Variants in BLZF1 observed in about 807,000 individuals in gnomAD.
BLZF1 encodes the protein golgin-45.
In BLZF1, 39 loss-of-function variants were observed where a neutral mutation model predicts 43.8. That is an observed-to-expected ratio of 0.89 (90% CI 0.69 to 1.16). The LOEUF (loss-of-function observed/expected upper bound fraction) is 1.16, where lower values mean the gene tolerates loss of function less well. Ranked by LOEUF, BLZF1 falls within the 50% of genes most tolerant of loss-of-function variation. The pLI, the probability that BLZF1 is intolerant of heterozygous loss-of-function variation, is 0.00. For missense variants in BLZF1, 449 were observed against 469.8 expected, an observed-to-expected ratio of 0.96 and a Z score of 0.41; for synonymous variants, 136 against 159.4, an observed-to-expected ratio of 0.85 and a Z score of 1.11.
chr1:169,388,907 G>T (rs1027160539), downstream of BLZF1, among the ~76,000 whole-genome samples: 1 of 152,014 alleles, frequency 6.6e-6, no homozygotes, highest in Non-Finnish European at 1.5e-5. Flanking sequence ...GGTCACCTGA[G>T]GTTAGGAGTT....
chr1:169,386,099 T>C (rs775818812), intron 6 of BLZF1, among the ~76,000 whole-genome samples: 2 of 152,140 alleles, frequency 1.3e-5, no homozygotes, highest in Non-Finnish European at 2.9e-5. Flanking sequence ...CAAGAGTTCC[T>C]GTTTTGGGTC....
At chr1:169,371,278 T>A (rs764252391) in intron 2 of BLZF1, among the ~76,000 whole-genome samples, 3 of 152,186 alleles carry the variant, frequency 2.0e-5, no homozygotes, top group Non-Finnish European at 2.9e-5. Context: ...ATGGTGCTTG[T>A]CAAAAAGCAA....
chr1:169,392,496 A>C (rs1277784105), downstream of BLZF1, among the ~76,000 whole-genome samples: 2 of 152,256 alleles, frequency 1.3e-5, no homozygotes, highest in Non-Finnish European at 2.9e-5. Context: ...AACTGAATGT[A>C]CACATGCAAA....
chr1:169,373,532 T>TA (rs1245404881), intron 2 of BLZF1, among the ~76,000 whole-genome samples: 1 of 152,214 alleles, frequency 6.6e-6, no homozygotes, highest in African/African-American at 2.4e-5. Flanking sequence ...CCCTGGCTCT[T>TA]ACGGCCTGTT....
At position 169,387,060 on chromosome 1, in the gene BLZF1, T is replaced by A. The variant is rs74383380; in HGVS notation, c.1081T>A (p.Ser361Thr). The part of the protein sequence containing the change: ...ESSPDNPFFE[S>T]SPTTLLATKK... The stretch of plus-strand genomic sequence containing the variant: ...TTCACCTGATAATCCATTTTTTGAG[T>A]CTTCACCAACCACCTTACTTGCTAC... Residue 361 changes from serine (S) to threonine (T), a missense_variant, in exon 7 of 7, where the codon TCT becomes ACT. Transcript: ENST00000367808. The A allele has an allele frequency of 3.5e-4, 570 of 1,613,434 alleles. 3 individuals are homozygous for A. The African/African-American group carries it at 6.5e-3, about 18-fold the overall frequency.
intron 6 of BLZF1, among the ~76,000 whole-genome samples, chr1:169,383,012 T>C (rs1354163263): frequency 6.7e-6 from 1 of 148,840 alleles, no homozygotes; most frequent in Non-Finnish European, 1.5e-5. Context: ...GCTCACTCTT[T>C]TAGTTTCTCT....
intron 2 of BLZF1, 125 bp from the exon 3 acceptor site, chr1:169,376,410 CTTTTT>C: frequency 1.3e-6 from 1 of 771,660 alleles, no homozygotes; most frequent in East Asian, 3.0e-5. Context: ...TTGAAAATTA[CTTTTT>C]CTCTGATTTT....
chr1:169,396,035 A>T (rs1287238710), exon 8 of BLZF1: 1 of 152,198 alleles, frequency 6.6e-6, no homozygotes, highest in Non-Finnish European at 1.5e-5. Context: ...ATAAATGGAT[A>T]TGGGCTGGAT....
intron 6 of BLZF1, among the ~76,000 whole-genome samples, chr1:169,385,617 T>C (rs955097210): frequency 6.6e-6 from 1 of 152,230 alleles, no homozygotes; most frequent in Non-Finnish European, 1.5e-5. Context: ...TTATAAGCAA[T>C]GTTAAGGTAA....
chr1:169,391,395 C>T (rs1182135204), downstream of BLZF1, among the ~76,000 whole-genome samples: 1 of 152,204 alleles, frequency 6.6e-6, no homozygotes, highest in African/African-American at 2.4e-5. Flanking sequence ...TGGGATCCCC[C>T]TAAAGACTGT....
chr1:169,377,495 A>G (rs1265783747), intron 3 of BLZF1: 1 of 152,468 alleles, frequency 6.6e-6, no homozygotes, highest in Non-Finnish European at 1.5e-5. Context: ...TCTCTATTAG[A>G]CCATGCATCT....
At chr1:169,376,204 T>G (rs563585684) in intron 2 of BLZF1, among the ~76,000 whole-genome samples, 6 of 152,106 alleles carry the variant, frequency 3.9e-5, no homozygotes, top group Non-Finnish European at 7.4e-5. Flanking sequence ...TATTACATTT[T>G]TTCTTACCAA....
intron 7 of BLZF1, chr1:169,395,283 G>A: frequency 7.9e-7 from 1 of 1,263,698 alleles, no homozygotes. Context: ...TACTATTATA[G>A]ACAAAATAAA....
chr1:169,376,689 C>A lies in BLZF1; in HGVS notation c.178C>A (p.Pro60Thr). ...GAAGAAAGCAGTTCCATCAGAGAGC[C>A]CAGGAGTTCTTCAGCTAGGGAAAAT... ...PWKKAVPSES[P>T]GVLQLGKMLT... The change falls in exon 3 of 7, where the codon CCA becomes ACA. Residue 60 changes from proline (P) to threonine (T), a missense_variant. Coordinates refer to ENST00000367808, the MANE Select transcript of BLZF1 (RefSeq NM_001320973.2). 6.2e-7 allele frequency: 1 copy of A among 1,613,258 alleles called. No homozygotes were observed. Among genetic ancestry groups the A allele is most frequent in the Non-Finnish European group, 8.5e-7 (1 of 1,179,582 alleles).
At chr1:169,395,089 CA>C in intron 7 of BLZF1, 1 of 1,611,418 alleles carries the variant, frequency 6.2e-7, no homozygotes, top group East Asian at 2.2e-5. Flanking sequence ...TGGCTTCTGA[CA>C]TATATAGGTG....
downstream of BLZF1, among the ~76,000 whole-genome samples, chr1:169,393,216 C>A (rs1654860121): frequency 6.6e-6 from 1 of 152,046 alleles, no homozygotes; most frequent in Admixed American, 6.6e-5. Context: ...AAGTGATGTA[C>A]TGAGTATTGA....
chr1:169,375,393 C>CATATATATATATATATATATATATATAT (rs58679820), intron 2 of BLZF1, among the ~76,000 whole-genome samples: 3 of 85,840 alleles, frequency 3.5e-5, no homozygotes, highest in African/African-American at 1.4e-4. Flanking sequence ...ATATATAAAA[C>CATATATATATATATATATATATATATAT]ATATATATAT....
Position 169,369,490 on chromosome 1 carries a change from T to G in BLZF1, c.-33T>G. On this transcript the variant is annotated 5_prime_UTR_variant, in exon 2 of 7. Transcript: ENST00000367808. ...ATTTCTAGGTTGTTCAGCAGAAGTC[T>G]TGGAGTGCATTTTCAGTGGTTAAGG... The G allele has an allele frequency of 6.2e-7, 1 of 1,602,680 alleles. No individual in the cohort carries two copies. The highest frequency in any genetic ancestry group is 8.5e-7 in the Non-Finnish European group (1 of 1,173,156).
intron 4 of BLZF1, 43 bp from the exon 5 acceptor site, chr1:169,380,438 T>C: frequency 6.3e-7 from 1 of 1,589,858 alleles, no homozygotes; most frequent in South Asian, 1.1e-5. Flanking sequence ...TTACACTGTA[T>C]TATTGTCAGC....
Sources: gnomAD v4.1 joint callset for allele counts (sites outside exome capture counted in the v4.1 genomes callset) on GRCh38, gnomAD v4.1.1 for gene constraint, MANE v1.5 for transcripts, NCBI Gene and HGNC (gene_info 2026-07-23, HGNC 2026-07-21) for gene names.